Variants in PTPRG observed in about 807,000 individuals in gnomAD.
PTPRG encodes the protein protein tyrosine phosphatase receptor type G, also known as receptor-type tyrosine-protein phosphatase gamma.
Under a neutral mutation model 165.3 loss-of-function variants are expected in PTPRG, and 102 were observed. The observed-to-expected ratio is 0.62, with a 90% CI of 0.53 to 0.73. The LOEUF (loss-of-function observed/expected upper bound fraction) is 0.73. PTPRG is among the 30% of genes least tolerant of loss of function. The pLI is 0.00. For missense variants in PTPRG, 1,866 were observed against 1,861.4 expected, an observed-to-expected ratio of 1.00 and a Z score of -0.05; for synonymous variants, 675 against 669.5, an observed-to-expected ratio of 1.01 and a Z score of -0.13.
chr3:62,004,392 T>C lies in PTPRG; in HGVS notation c.519+895T>C, dbSNP rs868748527. Among the ~76,000 whole-genome samples, 73 of 152,326 alleles carry C rather than the reference T, an allele frequency of 4.8e-4. 1 individual carries two copies. The highest frequency in any genetic ancestry group is 1.6e-3 in the African/African-American group (67 of 41,566). On this transcript the variant is annotated intron_variant, in intron 4 of 29. Coordinates refer to ENST00000474889, the MANE Select transcript of PTPRG (RefSeq NM_002841.4). ...TTCTGCTCTTAAAACTCCACACTTA[T>C]GTTTTATTTGAGTTCCTTCCTCAGG...
chr3:62,177,107 GA>G (rs201708126), intron 8 of PTPRG, among the ~76,000 whole-genome samples: 2 of 151,030 alleles, frequency 1.3e-5, no homozygotes, highest in Non-Finnish European at 3.0e-5. Flanking sequence ...ACCAAGAAAA[GA>G]AAAAAAAATT....
chr3:62,105,847 A>G (rs1702456484), intron 5 of PTPRG, among the ~76,000 whole-genome samples: 1 of 152,212 alleles, frequency 6.6e-6, no homozygotes, highest in Admixed American at 6.5e-5. Flanking sequence ...TGTCTTCTCA[A>G]GGTCATTAAA....
intron 17 of PTPRG, 104 bp downstream of exon 17, chr3:62,262,998 A>G: frequency 1.2e-6 from 1 of 806,946 alleles, no homozygotes. Context: ...CCAAGAAAGA[A>G]TGATTCTTGC....
At chr3:61,575,464 T>C (rs959612308) in intron 1 of PTPRG, among the ~76,000 whole-genome samples, 2 of 152,178 alleles carry the variant, frequency 1.3e-5, no homozygotes, top group African/African-American at 2.4e-5. Flanking sequence ...TTGCTAACTT[T>C]GGCCAGTTAC....
chr3:61,579,650 C>G (rs1280441252), intron 1 of PTPRG, among the ~76,000 whole-genome samples: 1 of 152,254 alleles, frequency 6.6e-6, no homozygotes, highest in Non-Finnish European at 1.5e-5. Flanking sequence ...GCTCTTCTTT[C>G]TAACAGTGTG....
At chr3:61,988,000 T>G (rs556783479) in intron 2 of PTPRG, among the ~76,000 whole-genome samples, 1 of 152,106 alleles carries the variant, frequency 6.6e-6, no homozygotes, top group Non-Finnish European at 1.5e-5. Flanking sequence ...AATACATGAG[T>G]GAAAAGCCTA....
intron 1 of PTPRG, among the ~76,000 whole-genome samples, chr3:61,641,922 C>T (rs1702076326): frequency 6.6e-6 from 1 of 152,108 alleles, no homozygotes; most frequent in Non-Finnish European, 1.5e-5. Context: ...GGCTGGTGCA[C>T]ATTTAGCTAA....
At chr3:61,673,265 C>T (rs980165696) in intron 1 of PTPRG, among the ~76,000 whole-genome samples, 2 of 152,152 alleles carry the variant, frequency 1.3e-5, no homozygotes, top group Non-Finnish European at 2.9e-5. Flanking sequence ...ACAGTCTTTG[C>T]GCTTTCTGGA....
rs1701069514 is a variant in PTPRG at position 62,237,954 on chromosome 3, GGAGA to G, written c.2376-5851_2376-5848del. On this transcript the variant is annotated intron_variant, in intron 14 of 29. Transcript: ENST00000474889. This position sits in a 1 kb window ranked among gnomAD's most constrained non-coding sequence, Gnocchi z 4.5. ...GTTTTCTAAAAAGGGATGAACGAAT[GGAGA>G]GTAACATAGGAAGCTTGCTTCCACT... Among the ~76,000 whole-genome samples, 1 of 152,218 alleles carries G rather than the reference GGAGA, an allele frequency of 6.6e-6. No individual in the cohort carries two copies. Among genetic ancestry groups the G allele is most frequent in the South Asian group, 2.1e-4 (1 of 4,834 alleles).
At chr3:62,054,456 G>T (rs1039311309) in intron 4 of PTPRG, among the ~76,000 whole-genome samples, 1 of 152,132 alleles carries the variant, frequency 6.6e-6, no homozygotes, top group African/African-American at 2.4e-5. Context: ...GTAGCTTGCT[G>T]TTTTCTAACA....
At chr3:61,913,226 T>C (rs528786773) in intron 2 of PTPRG, among the ~76,000 whole-genome samples, 1 of 152,318 alleles carries the variant, frequency 6.6e-6, no homozygotes, top group East Asian at 1.9e-4. Flanking sequence ...TTTTCTTTTT[T>C]ATTTTTTTTC....
At chr3:62,023,721 C>G (rs2041749476) in intron 4 of PTPRG, among the ~76,000 whole-genome samples, 1 of 152,086 alleles carries the variant, frequency 6.6e-6, no homozygotes, top group South Asian at 2.1e-4. Flanking sequence ...GGCTACCTGG[C>G]AAAACCAAGT....
intron 2 of PTPRG, among the ~76,000 whole-genome samples, chr3:61,812,090 A>C (rs948805925): frequency 2.0e-5 from 3 of 152,226 alleles, no homozygotes; most frequent in Non-Finnish European, 4.4e-5. Flanking sequence ...TAGAACTGCT[A>C]GGATATAAAC....
intron 1 of PTPRG, among the ~76,000 whole-genome samples, chr3:61,616,436 A>G (rs1172399540): frequency 6.6e-6 from 1 of 152,122 alleles, no homozygotes; most frequent in South Asian, 2.1e-4. Context: ...TTTCTCTTTC[A>G]TGGATTTGTG....
At chr3:62,070,633 C>T (rs577690037) in intron 4 of PTPRG, among the ~76,000 whole-genome samples, 1 of 152,212 alleles carries the variant, frequency 6.6e-6, no homozygotes, top group Non-Finnish European at 1.5e-5. Context: ...TCCTGGCCTC[C>T]TTAATACTAG....
intron 1 of PTPRG, among the ~76,000 whole-genome samples, chr3:61,602,485 C>G (rs1036567848): frequency 6.6e-6 from 1 of 152,114 alleles, no homozygotes; most frequent in Non-Finnish European, 1.5e-5. Context: ...CATTGTTCAT[C>G]AAGGAGAGAG....
chr3:61,906,070 A>T (rs753385939), intron 2 of PTPRG, among the ~76,000 whole-genome samples: 5 of 152,118 alleles, frequency 3.3e-5, no homozygotes, highest in Non-Finnish European at 7.4e-5. Context: ...TACATGTGAC[A>T]TTATTAAAGT....
At chr3:62,287,704 G>A (rs924978019) in intron 28 of PTPRG, among the ~76,000 whole-genome samples, 1 of 152,144 alleles carries the variant, frequency 6.6e-6, no homozygotes, top group African/African-American at 2.4e-5. Flanking sequence ...TAAACTGAGC[G>A]ACCAGGATAC....
chr3:61,682,630 T>C (rs1274077384), intron 1 of PTPRG, among the ~76,000 whole-genome samples: 1 of 152,234 alleles, frequency 6.6e-6, no homozygotes, highest in Non-Finnish European at 1.5e-5. Context: ...CTGTTCTTCT[T>C]TCCCACCCCT....
Sources: gnomAD v4.1 joint callset for allele counts (sites outside exome capture counted in the v4.1 genomes callset) on GRCh38, gnomAD v4.1.1 for gene constraint, Gnocchi (gnomAD v3.1) non-coding constraint, MANE v1.5 for transcripts, NCBI Gene and HGNC (gene_info 2026-07-23, HGNC 2026-07-21) for gene names.